Variants in SYT10 observed in about 807,000 individuals in gnomAD.
SYT10 encodes synaptotagmin 10.
A neutral mutation model predicts 51.1 loss-of-function variants in SYT10; 31 were observed. The ratio of observed to expected loss-of-function variants is 0.61; its 90% CI spans 0.46 to 0.82. The LOEUF (loss-of-function observed/expected upper bound fraction) is 0.82. SYT10 is among the 40% of genes least tolerant of loss of function. The pLI, the probability that SYT10 is intolerant of heterozygous loss-of-function variation, is 0.00. For missense variants in SYT10, 603 were observed against 634.0 expected, an observed-to-expected ratio of 0.95 and a Z score of 0.53; for synonymous variants, 233 against 225.9, an observed-to-expected ratio of 1.03 and a Z score of -0.28.
Position 33,426,235 on chromosome 12 carries a change from G to A in SYT10, c.412C>T (p.Pro138Ser). Residue 138 changes from proline (P) to serine (S), a missense_variant, in exon 2 of 7, where the codon CCT becomes TCT. Pro to Ser is a moderately conservative substitution (Grantham distance 74). Coordinates refer to ENST00000228567, the MANE Select transcript of SYT10 (RefSeq NM_198992.4). ...EPAIKISHTS[P>S]DIPAEVQTAL... ...GTTTGGACTTCTGCTGGGATGTCAGGGGAAGTGTGGCTGATTTTTATTGCA... is the reference window on the plus strand; with the variant it reads ...GTTTGGACTTCTGCTGGGATGTCAGAGGAAGTGTGGCTGATTTTTATTGCA... The A allele has an allele frequency of 1.9e-6, 3 of 1,614,096 alleles. No homozygotes were observed. The highest frequency in any genetic ancestry group is 2.5e-6 in the Non-Finnish European group (3 of 1,180,018).
intron 2 of SYT10, among the ~76,000 whole-genome samples, chr12:33,410,562 G>T (rs1866396697): frequency 6.6e-6 from 1 of 152,112 alleles, no homozygotes; most frequent in Non-Finnish European, 1.5e-5. Context: ...GCAAATTAAA[G>T]ATTCAAACTA....
intron 4 of SYT10, 88 bp downstream of exon 4, chr12:33,385,083 A>T (rs1237698667): frequency 1.3e-6 from 2 of 1,499,902 alleles, no homozygotes; most frequent in Non-Finnish European, 1.8e-6. Context: ...TTATAGGCAA[A>T]TAATTCAGTA....
At chr12:33,391,844 A>G (rs1866210340) in intron 3 of SYT10, among the ~76,000 whole-genome samples, 1 of 152,188 alleles carries the variant, frequency 6.6e-6, no homozygotes, top group African/African-American at 2.4e-5. Flanking sequence ...TAAATAAATA[A>G]TAAGGTATCA....
At chr12:33,436,284 C>A (rs1159707557) in intron 1 of SYT10, among the ~76,000 whole-genome samples, 2 of 152,068 alleles carry the variant, frequency 1.3e-5, no homozygotes, top group Non-Finnish European at 2.9e-5. Flanking sequence ...CCTAAGCATT[C>A]TAATATTAAA....
At chr12:33,438,795 T>C (rs1565501823) in intron 1 of SYT10, among the ~76,000 whole-genome samples, 1 of 152,180 alleles carries the variant, frequency 6.6e-6, no homozygotes, top group Non-Finnish European at 1.5e-5. Flanking sequence ...GAAAATCATA[T>C]ATATTAAAAG....
chr12:33,407,271 G>A lies in SYT10; in HGVS notation c.595C>T (p.Arg199Ter), dbSNP rs761866194. 6.8e-6 allele frequency: 11 copies of A among 1,613,520 alleles called. No homozygotes were observed. The highest frequency in any genetic ancestry group is 7.6e-6 in the Non-Finnish European group (9 of 1,180,038). The stretch of plus-strand genomic sequence containing the variant: ...CCAATGCTGGTTGTTGTTTCTCCTC[G>A]TTGTAAAACAGGTTCTGTGCCCATG... ...FSMGTEPVLQ[R>*]GETTTSIGRI... is the part of the protein sequence containing the mutation. Residue 199 changes from arginine (R) to a stop codon, truncating the protein, a stop_gained, in exon 3 of 7, where the codon CGA (arginine) becomes TGA (stop). Transcript: ENST00000228567. LOFTEE classifies it high-confidence loss of function.
intron 1 of SYT10, among the ~76,000 whole-genome samples, chr12:33,433,445 T>C (rs539722514): frequency 1.3e-5 from 2 of 152,304 alleles, no homozygotes; most frequent in African/African-American, 2.4e-5. Context: ...ACAAAAACAA[T>C]GTAACTGGTA....
chr12:33,426,337 G>C lies in SYT10; in HGVS notation c.310C>G (p.Pro104Ala), dbSNP rs533144504. 4.4e-5 allele frequency: 71 copies of C among 1,613,990 alleles called. No individual in the cohort carries two copies. In the East Asian group the frequency reaches 7.1e-4, roughly 16 times the overall value. The change falls in exon 2 of 7, where the codon CCT becomes GCT. Residue 104 changes from proline (P) to alanine (A), a missense_variant. Pro to Ala is a conservative substitution (Grantham distance 27, BLOSUM62 -1). Coordinates refer to ENST00000228567, the MANE Select transcript of SYT10 (RefSeq NM_198992.4). ...TCTTCAGTCTCAAAAACTTCAGTAGGAGCACTTGAAATGCTCTGTGGAAGC... is the reference window on the plus strand; with the variant it reads ...TCTTCAGTCTCAAAAACTTCAGTAGCAGCACTTGAAATGCTCTGTGGAAGC... ...TTLPQSISSA[P>A]TEVFETEEKK... is the part of the protein sequence containing the mutation.
rs1866125055 is a variant in SYT10 at position 33,382,535 on chromosome 12, A to G, written c.1199-15T>C. On this transcript the variant is annotated splice_polypyrimidine_tract_variant and intron_variant, in intron 4 of 6. Coordinates refer to ENST00000228567, the MANE Select transcript of SYT10 (RefSeq NM_198992.4). ...GACATAAGGATCTAGGAATAAGAAG[A>G]TAACTTTATTAAAATAAAAGTAATA... 2 of 1,569,996 alleles carry G rather than the reference A, an allele frequency of 1.3e-6. No individual in the cohort carries two copies. The highest frequency in any genetic ancestry group is 1.7e-6 in the Non-Finnish European group (2 of 1,164,854).
At chr12:33,380,030 G>T in intron 5 of SYT10, 69 bp from the exon 6 acceptor site, 1 of 1,493,384 alleles carries the variant, frequency 6.7e-7, no homozygotes, top group Non-Finnish European at 9.0e-7. Flanking sequence ...ACAAATCGTA[G>T]TAGAATTTTA....
At chr12:33,419,634 T>C (rs1866483597) in intron 2 of SYT10, among the ~76,000 whole-genome samples, 1 of 152,176 alleles carries the variant, frequency 6.6e-6, no homozygotes, top group African/African-American at 2.4e-5. Flanking sequence ...AAGGAGGCAA[T>C]TCAGTTATTC....
chr12:33,417,085 AG>A (rs1866460737), intron 2 of SYT10, among the ~76,000 whole-genome samples: 1 of 152,178 alleles, frequency 6.6e-6, no homozygotes, highest in Non-Finnish European at 1.5e-5. Flanking sequence ...AAGAGGAAGA[AG>A]GTGATAGAAG....
intron 6 of SYT10, among the ~76,000 whole-genome samples, chr12:33,379,580 A>AAAAAC (rs1565489643): frequency 8.7e-6 from 1 of 115,326 alleles, no homozygotes; most frequent in Non-Finnish European, 1.7e-5. Context: ...AAAAAAAAAA[A>AAAAAC]GAGACTTGCA....
At chr12:33,439,301 C>A (rs955337176) in intron 1 of SYT10, 71 bp downstream of exon 1, 1 of 1,543,126 alleles carries the variant, frequency 6.5e-7, no homozygotes, top group African/African-American at 1.4e-5. Flanking sequence ...GGCGCAGAAC[C>A]CCGGAGCTTG....
chr12:33,401,121 C>T (rs1866300494), intron 3 of SYT10, among the ~76,000 whole-genome samples: 1 of 152,118 alleles, frequency 6.6e-6, no homozygotes, highest in African/African-American at 2.4e-5. Flanking sequence ...TATAAAGCCA[C>T]ATGCTGCAAA....
chr12:33,401,716 T>C (rs2138409145), intron 3 of SYT10, among the ~76,000 whole-genome samples: 1 of 152,324 alleles, frequency 6.6e-6, no homozygotes, highest in Admixed American at 6.5e-5. Flanking sequence ...AAGCATATCC[T>C]TGTTTATTTG....
intron 2 of SYT10, among the ~76,000 whole-genome samples, chr12:33,420,219 TCTTCTAAATTGTG>T (rs1591994882): frequency 6.6e-6 from 1 of 152,250 alleles, no homozygotes; most frequent in East Asian, 1.9e-4. Flanking sequence ...TCCAAGACTT[TCTTCTAAATTGTG>T]GTCTTTATTA....
At chr12:33,412,231 G>A (rs900105553) in intron 2 of SYT10, among the ~76,000 whole-genome samples, 4 of 90,802 alleles carry the variant, frequency 4.4e-5, no homozygotes, top group African/African-American at 1.8e-4. Context: ...CAGCTGTAAA[G>A]TCCCTTTATA....
chr12:33,387,155 T>G (rs986990261), intron 3 of SYT10, among the ~76,000 whole-genome samples: 1 of 152,186 alleles, frequency 6.6e-6, no homozygotes, highest in African/African-American at 2.4e-5. Flanking sequence ...TAACATCTAT[T>G]GGGCTTACTC....
Sources: allele counts gnomAD v4.1 joint callset (sites outside exome capture counted in the v4.1 genomes callset), GRCh38; gene constraint gnomAD v4.1.1; transcripts MANE v1.5; gene names NCBI Gene and HGNC (gene_info 2026-07-23, HGNC 2026-07-21).